The following TMPRSS5 variants were observed in gnomAD, a reference collection of about 807,000 sequenced individuals.
TMPRSS5 encodes the protein transmembrane protease serine 5.
TMPRSS5 carries 45 observed loss-of-function variants against 59.7 expected under a neutral mutation model. The observed-to-expected ratio is 0.75, with a 90% CI of 0.59 to 0.97. The LOEUF is 0.97. TMPRSS5 is among the 50% of genes least tolerant of loss of function. The pLI, the probability that TMPRSS5 is intolerant of heterozygous loss-of-function variation, is 0.00. For missense variants in TMPRSS5, 585 were observed against 596.7 expected, an observed-to-expected ratio of 0.98 and a Z score of 0.20; for synonymous variants, 225 against 232.0, an observed-to-expected ratio of 0.97 and a Z score of 0.27.
intron 1 of TMPRSS5, 145 bp from the exon 2 acceptor site, chr11:113,700,313 G>A (rs1269996252): frequency 1.3e-5 from 11 of 819,378 alleles, no homozygotes; most frequent in South Asian, 2.2e-5. Context: ...GAGACTCCCT[G>A]TATATTCCCA....
chr11:113,695,285 C>A (rs1952896783), intron 7 of TMPRSS5, 115 bp downstream of exon 7: 11 of 1,149,308 alleles, frequency 9.6e-6, no homozygotes, highest in Non-Finnish European at 1.4e-5. Flanking sequence ...GGCAGGTGGG[C>A]AAGACCCCTA....
chr11:113,688,394 T>A, intron 12 of TMPRSS5, 120 bp from the exon 13 acceptor site: 1 of 690,980 alleles, frequency 1.4e-6, no homozygotes, highest in Non-Finnish European at 2.5e-6. Flanking sequence ...CAAATGAGGC[T>A]AAAAATATCT....
At chr11:113,689,681 CCCG>C in intron 12 of TMPRSS5, 81 bp downstream of exon 12, 1 of 1,479,470 alleles carries the variant, frequency 6.8e-7, no homozygotes, top group Non-Finnish European at 9.2e-7. Context: ...CCCAGCAGGG[CCCG>C]GGCCTAAGGG....
intron 3 of TMPRSS5, 103 bp from the exon 4 acceptor site, chr11:113,699,130 C>A (rs1472536210): frequency 1.5e-6 from 2 of 1,313,114 alleles, no homozygotes; most frequent in Non-Finnish European, 2.1e-6. Context: ...CCCCAACCAA[C>A]CTGCTGAGGA....
intron 1 of TMPRSS5, among the ~76,000 whole-genome samples, chr11:113,705,400 G>GC (rs1953263918): frequency 6.6e-6 from 1 of 152,084 alleles, no homozygotes; most frequent in Non-Finnish European, 1.5e-5. Flanking sequence ...CAGCGCAGCA[G>GC]CCCCAACATC....
In TMPRSS5 at chr11:113,698,978, C is replaced by T; in HGVS notation, c.255G>A (p.Gln85=). The change falls in exon 4 of 13, where the codon CAG becomes CAA. Residue 85 remains glutamine, a synonymous_variant. Transcript: ENST00000299882. The part of the protein sequence containing the change: ...AASQPISGTL[Q]DEEITLSCSE... ...AGCAGCTCAAAGTTATCTCCTCATC[C>T]TGCAAGGTCCCGGAAATGGGCTGAG... is the stretch of plus-strand genomic sequence containing the variant. 6.2e-7 allele frequency: 1 copy of T among 1,608,384 alleles called. No homozygotes were observed. The highest frequency in any genetic ancestry group is 1.3e-5 in the African/African-American group (1 of 74,952).
chr11:113,698,677 C>T (rs1362464943), intron 4 of TMPRSS5, among the ~76,000 whole-genome samples: 1 of 152,216 alleles, frequency 6.6e-6, no homozygotes, highest in African/African-American at 2.4e-5. Flanking sequence ...CCAGCCTGGT[C>T]TCCGGACCTT....
intron 1 of TMPRSS5, among the ~76,000 whole-genome samples, chr11:113,701,941 T>G (rs1953150236): frequency 6.6e-6 from 1 of 152,128 alleles, no homozygotes; most frequent in Non-Finnish European, 1.5e-5. Context: ...GTCCTAATGC[T>G]CTCCCTCCCC....
At chr11:113,692,664 A>G (rs914963424) in intron 9 of TMPRSS5, among the ~76,000 whole-genome samples, 1 of 152,170 alleles carries the variant, frequency 6.6e-6, no homozygotes, top group Non-Finnish European at 1.5e-5. Flanking sequence ...TGTTTCAACT[A>G]TCTATCAGGG....
chr11:113,691,183 G>A (rs1952770033), intron 9 of TMPRSS5, among the ~76,000 whole-genome samples: 1 of 152,124 alleles, frequency 6.6e-6, no homozygotes, highest in Admixed American at 6.5e-5. Flanking sequence ...TCTATGGGTG[G>A]ACAGGACCCA....
rs78430626 is a variant in TMPRSS5 at position 113,706,276 on chromosome 11, G to A, written c.-52C>T. On this transcript the variant is annotated 5_prime_UTR_variant, in exon 1 of 13. Coordinates refer to ENST00000299882, the MANE Select transcript of TMPRSS5 (RefSeq NM_030770.4). The stretch of plus-strand genomic sequence containing the variant: ...CTCAGGGTCTACTAGGCAATGTTCC[G>A]CTCCTGTTCTCAGGCCAGCATTGAT... 136 of 1,590,244 alleles carry A rather than the reference G, an allele frequency of 8.6e-5. 1 individual carries two copies. The African/African-American group carries it at 1.2e-3, about 14-fold the overall frequency.
intron 1 of TMPRSS5, among the ~76,000 whole-genome samples, chr11:113,703,770 G>T (rs755824398): frequency 2.6e-5 from 4 of 152,152 alleles, no homozygotes; most frequent in Non-Finnish European, 5.9e-5. Flanking sequence ...CCTTTACTCT[G>T]CACTTCTTTC....
chr11:113,690,175 T>TCCCCCCCCCCCCCCCCCCCCCC, intron 11 of TMPRSS5, 56 bp downstream of exon 11: 2 of 159,592 alleles, frequency 1.3e-5, no homozygotes, highest in Non-Finnish European at 2.1e-5. Context: ...GCAGGCCCCC[T>TCCCCCCCCCCCCCCCCCCCCCC]GCCCTCCCAC....
chr11:113,699,272 CCTCTCTCT>C (rs550946661), intron 3 of TMPRSS5, among the ~76,000 whole-genome samples: 1 of 24,056 alleles, frequency 4.2e-5, no homozygotes, highest in African/African-American at 2.0e-4. Context: ...TCTCTCTCTC[CCTCTCTCT>C]CTCTCTCTCT....
intron 10 of TMPRSS5, 41 bp downstream of exon 10, chr11:113,690,800 C>A: frequency 6.5e-7 from 1 of 1,531,606 alleles, no homozygotes; most frequent in Non-Finnish European, 8.9e-7. Flanking sequence ...GAATGCCTCC[C>A]ACACCCGCCC....
chr11:113,705,065 G>T (rs1049469210), intron 1 of TMPRSS5, among the ~76,000 whole-genome samples: 1 of 152,048 alleles, frequency 6.6e-6, no homozygotes, highest in Non-Finnish European at 1.5e-5. Flanking sequence ...CAAAACTGAA[G>T]CAACTCCCGT....
rs566300297 is a variant in TMPRSS5, at chr11:113,691,747, T to C, written c.965-808A>G. 1.8e-4 allele frequency among the ~76,000 whole-genome samples: 27 copies of C among 151,130 alleles called. 1 individual carries two copies. The South Asian group carries it at 3.1e-3, about 18-fold the overall frequency. On this transcript the variant is annotated intron_variant, in intron 9 of 12. Coordinates refer to ENST00000299882, the MANE Select transcript of TMPRSS5 (RefSeq NM_030770.4). ...TATATAGTAAATATACTATTTATTA[T>C]AACTAAATAAGTATATTTAAAAGAG...
intron 6 of TMPRSS5, among the ~76,000 whole-genome samples, chr11:113,695,968 C>G (rs189344849): frequency 2.0e-4 from 31 of 152,228 alleles, no homozygotes; most frequent in Non-Finnish European, 3.5e-4. Context: ...GACCAAAACT[C>G]TCTTCTCTTT....
At chr11:113,705,967 A>G (rs1953279433) in intron 1 of TMPRSS5, among the ~76,000 whole-genome samples, 1 of 152,242 alleles carries the variant, frequency 6.6e-6, no homozygotes, top group Non-Finnish European at 1.5e-5. Flanking sequence ...GTTCAACGTA[A>G]TAACGATTTG....
Sources: gnomAD v4.1 joint callset for allele counts (sites outside exome capture counted in the v4.1 genomes callset) on GRCh38, gnomAD v4.1.1 for gene constraint, MANE v1.5 for transcripts, NCBI Gene and HGNC (gene_info 2026-07-23, HGNC 2026-07-21) for gene names.